Variants in HDAC9 observed in about 807,000 individuals in gnomAD.
The protein encoded by HDAC9 is MEF-2 interacting transcription repressor (MITR) protein.
HDAC9 carries 41 observed loss-of-function variants against 139.4 expected under a neutral mutation model. The observed-to-expected ratio is 0.29, with a 90% confidence interval of 0.23 to 0.38. HDAC9 has a LOEUF of 0.38. Ranked by LOEUF, HDAC9 falls within the 10% of genes least tolerant of loss-of-function variation. The pLI, the probability that HDAC9 is intolerant of heterozygous loss-of-function variation, is 1.00. For synonymous variants in HDAC9, 517 were observed against 476.2 expected, an observed-to-expected ratio of 1.09 and a Z score of -1.12; for missense variants, 1,147 against 1,297.0, an observed-to-expected ratio of 0.88 and a Z score of 1.78.
At chr7:18,831,551 A>C (rs60765366) in intron 19 of HDAC9, among the ~76,000 whole-genome samples, 3,550 of 152,218 alleles carry the variant, frequency 0.023, 152 homozygotes, top group African/African-American at 0.081. Context: ...GTTTCAAATT[A>C]TCTAAATATA....
Position 18,739,608 on chromosome 7 carries a change from A to G in HDAC9, c.1910-9397A>G, listed in dbSNP as rs111667647. ...CACCAGTGAAGGCTGCAGAACAGCA[A>G]ATATTGCAGCCTGATCCTTCCTCTT... On this transcript the variant is annotated intron_variant, in intron 13 of 25. Coordinates refer to ENST00000686413, the MANE Select transcript of HDAC9 (RefSeq NM_178425.4). 8.7e-3 allele frequency among the ~76,000 whole-genome samples: 1,324 copies of G among 152,244 alleles called. 12 individuals carry two copies. The highest frequency in any genetic ancestry group is 0.025 in the African/African-American group (1,036 of 41,562).
chr7:18,240,864 C>T (rs1794143867), intron 2 of HDAC9, among the ~76,000 whole-genome samples: 1 of 152,134 alleles, frequency 6.6e-6, no homozygotes, highest in Non-Finnish European at 1.5e-5. Flanking sequence ...TTTGCATTTC[C>T]CTTTATCTCT....
chr7:18,535,527 CAAT>C (rs1482432766), intron 2 of HDAC9, among the ~76,000 whole-genome samples: 5 of 151,782 alleles, frequency 3.3e-5, no homozygotes, highest in South Asian at 4.2e-4. Context: ...TGATCTCTCT[CAAT>C]GATGATCTCT....
intron 1 of HDAC9, among the ~76,000 whole-genome samples, chr7:18,337,437 C>T (rs770742470): frequency 2.0e-5 from 3 of 151,618 alleles, no homozygotes; most frequent in Admixed American, 6.6e-5. Flanking sequence ...TTTAACATTC[C>T]TGTATAACAC....
At chr7:18,267,579 G>A (rs781147485) in intron 2 of HDAC9, among the ~76,000 whole-genome samples, 24 of 152,070 alleles carry the variant, frequency 1.6e-4, no homozygotes, top group Admixed American at 4.6e-4. Context: ...TTCACTGAAC[G>A]TAATGCCATC....
chr7:18,912,932 T>C (rs1266626296), intron 22 of HDAC9, among the ~76,000 whole-genome samples: 3 of 152,070 alleles, frequency 2.0e-5, no homozygotes, highest in African/African-American at 7.2e-5. Context: ...GCTTAAATAA[T>C]GTGTTTAGTA....
At chr7:18,846,522 TAGA>T (rs1172521193) in intron 21 of HDAC9, among the ~76,000 whole-genome samples, 1 of 152,234 alleles carries the variant, frequency 6.6e-6, no homozygotes, top group African/African-American at 2.4e-5. Flanking sequence ...GAAAGGCCAT[TAGA>T]ACATAATTAC....
At chr7:18,901,287 AAT>A (rs1801697657) in intron 22 of HDAC9, among the ~76,000 whole-genome samples, 1 of 149,796 alleles carries the variant, frequency 6.7e-6, no homozygotes, top group East Asian at 1.9e-4. Context: ...AAATTGTATG[AAT>A]AATATATTTT....
intron 23 of HDAC9, among the ~76,000 whole-genome samples, chr7:18,940,796 A>G (rs530265481): frequency 6.6e-6 from 1 of 152,272 alleles, no homozygotes; most frequent in South Asian, 2.1e-4. Context: ...TTCCTCTGAA[A>G]GAAATTTTCC....
At chr7:18,824,968 T>C (rs995543758) in intron 17 of HDAC9, among the ~76,000 whole-genome samples, 2 of 152,278 alleles carry the variant, frequency 1.3e-5, no homozygotes, top group African/African-American at 4.8e-5. Context: ...GGAGAAAAGA[T>C]AGGGAGAAGG....
intron 16 of HDAC9, among the ~76,000 whole-genome samples, chr7:18,792,031 C>G (rs1792359914): frequency 6.6e-6 from 1 of 152,092 alleles, no homozygotes; most frequent in Non-Finnish European, 1.5e-5. Context: ...CACTACTATA[C>G]TGCTGTTTAT....
At chr7:18,729,515 G>C (rs2129130753) in intron 13 of HDAC9, among the ~76,000 whole-genome samples, 1 of 152,208 alleles carries the variant, frequency 6.6e-6, no homozygotes, top group Non-Finnish European at 1.5e-5. Flanking sequence ...CTGAATATTA[G>C]AGAGAACCTG....
At chr7:18,788,873 G>T (rs950426667) in intron 16 of HDAC9, among the ~76,000 whole-genome samples, 1 of 151,604 alleles carries the variant, frequency 6.6e-6, no homozygotes, top group African/African-American at 2.4e-5. Flanking sequence ...TGTGTTCCTT[G>T]TTTGTGCCGC....
chr7:18,623,241 G>T (rs1408707788), intron 6 of HDAC9, among the ~76,000 whole-genome samples: 3 of 151,830 alleles, frequency 2.0e-5, no homozygotes, highest in Non-Finnish European at 4.4e-5. Context: ...GAACTAAACA[G>T]AATACAATTT....
chr7:18,925,277 T>A (rs186997386), intron 22 of HDAC9, among the ~76,000 whole-genome samples: 89 of 152,304 alleles, frequency 5.8e-4, no homozygotes, highest in Admixed American at 4.9e-3. Flanking sequence ...TTATCCCAAC[T>A]TTGTCATTGA....
At chr7:18,261,553 G>A (rs1271891663) in intron 2 of HDAC9, among the ~76,000 whole-genome samples, 5 of 152,142 alleles carry the variant, frequency 3.3e-5, no homozygotes, top group African/African-American at 9.7e-5. Context: ...ATAATGGGAA[G>A]GGTTCTTATC....
At chr7:18,905,390 A>C (rs2129284732) in intron 22 of HDAC9, among the ~76,000 whole-genome samples, 1 of 152,378 alleles carries the variant, frequency 6.6e-6, no homozygotes, top group South Asian at 2.1e-4. Flanking sequence ...AGATAAGCTA[A>C]ATTCAAAGCT....
chr7:18,526,507 T>C (rs1338707632), intron 2 of HDAC9, among the ~76,000 whole-genome samples: 1 of 152,200 alleles, frequency 6.6e-6, no homozygotes, highest in Non-Finnish European at 1.5e-5. Flanking sequence ...ATACAATAGA[T>C]GCAAACAGTG....
chr7:18,448,144 C>T lies in HDAC9; in HGVS notation c.-41-48118C>T, dbSNP rs187489613. Among the ~76,000 whole-genome samples the T allele has an allele frequency of 2.4e-3, 370 of 152,216 alleles. 4 individuals are homozygous for T. The highest frequency in any genetic ancestry group is 8.3e-3 in the African/African-American group (343 of 41,520). On this transcript the variant is annotated intron_variant, in intron 1 of 3. Transcript: ENST00000413509. ...CCTCCTAAAGTGCTGAGATTACGCG[C>T]GTGAGCCACCATGCCTGGCGATCTG... is the stretch of plus-strand genomic sequence containing the variant.
Sources: gnomAD v4.1 joint callset for allele counts (sites outside exome capture counted in the v4.1 genomes callset) on GRCh38, gnomAD v4.1.1 for gene constraint, MANE v1.5 for transcripts, NCBI Gene and HGNC (gene_info 2026-07-23, HGNC 2026-07-21) for gene names.